The following THRA variants were observed in gnomAD, a reference collection of about 807,000 sequenced individuals.
THRA encodes the protein thyroid hormone receptor alpha, also known as EAR-7.
Under a neutral mutation model 45.0 loss-of-function variants are expected in THRA, and 13 were observed. The observed-to-expected ratio is 0.29, with a 90% confidence interval of 0.19 to 0.46. The LOEUF (loss-of-function observed/expected upper bound fraction) is 0.46. Among genes scored for constraint, THRA ranks in the 20% least tolerant of loss-of-function variants. The pLI is 1.00. For missense variants in THRA, 278 were observed against 556.1 expected (o/e 0.50, Z 5.03); for synonymous variants, 195 against 214.0 (o/e 0.91, Z 0.78).
intron 4 of THRA, 91 bp from the exon 5 acceptor site, chr17:40,083,744 C>T: frequency 6.8e-7 from 1 of 1,478,544 alleles, no homozygotes; most frequent in Non-Finnish European, 9.0e-7. Context: ...CTTCCTTGCT[C>T]TCCACCCCTG....
At chr17:40,078,523 A>G (rs556777555) in intron 4 of THRA, among the ~76,000 whole-genome samples, 1 of 152,316 alleles carries the variant, frequency 6.6e-6, no homozygotes, top group African/African-American at 2.4e-5. Context: ...TGCCATGTGC[A>G]TAAGAAGCAT....
At chr17:40,073,780 G>T (rs1986858748) in intron 1 of THRA, among the ~76,000 whole-genome samples, 1 of 152,072 alleles carries the variant, frequency 6.6e-6, no homozygotes, top group African/African-American at 2.4e-5. Context: ...TACCCTCCCT[G>T]CCTATGCTGA....
intron 6 of THRA, among the ~76,000 whole-genome samples, chr17:40,085,455 T>G (rs533288424): frequency 6.6e-6 from 1 of 151,942 alleles, no homozygotes. Context: ...CGCCTCCGTC[T>G]CCCGAGTAGT....
intron 6 of THRA, among the ~76,000 whole-genome samples, chr17:40,085,673 C>T (rs1198220880): frequency 1.3e-4 from 18 of 139,620 alleles, no homozygotes; most frequent in East Asian, 1.3e-3. Context: ...GTTGGAGTTT[C>T]GCTCTTGTTG....
intron 1 of THRA, among the ~76,000 whole-genome samples, chr17:40,065,987 T>C (rs1051386423): frequency 6.6e-6 from 1 of 152,220 alleles, no homozygotes; most frequent in Non-Finnish European, 1.5e-5. Context: ...TTGGGTCCAC[T>C]GCAGGGCTCA....
intron 4 of THRA, among the ~76,000 whole-genome samples, chr17:40,080,999 G>A (rs1382278429): frequency 1.3e-5 from 2 of 152,050 alleles, no homozygotes; most frequent in Admixed American, 6.5e-5. Context: ...TGGGATTACA[G>A]GCGTGAGCCA....
chr17:40,070,500 T>G (rs998839889), intron 1 of THRA, among the ~76,000 whole-genome samples: 2 of 152,148 alleles, frequency 1.3e-5, no homozygotes, highest in African/African-American at 4.8e-5. Context: ...CCAGGGGCCC[T>G]TGGTGTGGGT....
chr17:40,086,859 T>C lies in THRA; in HGVS notation c.723+6T>C. ...AACTGCCCATGTTCTCCGAGGTGAG[T>C]GGCAGAAGTGGGGAGAGATGTGATG... On this transcript the variant is annotated splice_donor_region_variant and intron_variant, in intron 7 of 8. Transcript: ENST00000450525. 2 of 1,613,842 alleles carry C rather than the reference T, an allele frequency of 1.2e-6. No individual in the cohort carries two copies. Among genetic ancestry groups the C allele is most frequent in the Non-Finnish European group, 1.7e-6 (2 of 1,179,950 alleles).
Position 40,083,883 on chromosome 17 carries a change from T to A in THRA, c.271T>A (p.Cys91Ser). Reference sequence around the variant, plus strand: ...GAAGAACCTCCATCCCACCTATTCCTGCAAATATGACAGCTGCTGTGTCAT... The same window carrying A: ...GAAGAACCTCCATCCCACCTATTCCAGCAAATATGACAGCTGCTGTGTCAT... ...IQKNLHPTYS[C>S]KYDSCCVIDK... Residue 91 changes from cysteine (C) to serine (S), a missense_variant, in exon 5 of 9, where the codon TGC becomes AGC. Around this residue, in one of 6 missense-constraint regions of THRA, gnomAD observed 111 missense variants for 167.1 expected, o/e 0.66. Transcript: ENST00000450525. 1 of 1,613,882 alleles carries A rather than the reference T, an allele frequency of 6.2e-7. No homozygotes were observed. The highest frequency in any genetic ancestry group is 8.5e-7 in the Non-Finnish European group (1 of 1,179,860).
At chr17:40,062,811 A>C, upstream of THRA, 2 of 132,730 alleles carry the variant, frequency 1.5e-5, no homozygotes, top group African/African-American at 5.6e-5. Context: ...GGCGGCGGCG[A>C]GGCGGCCTGC....
chr17:40,067,253 C>T (rs1986607922), intron 1 of THRA, among the ~76,000 whole-genome samples: 1 of 152,208 alleles, frequency 6.6e-6, no homozygotes, highest in Admixed American at 6.5e-5. Flanking sequence ...CTGGGACACA[C>T]CCCACCAGCT....
At chr17:40,064,454 GTCAC>G (rs373815431) in intron 1 of THRA, among the ~76,000 whole-genome samples, 271 of 152,340 alleles carry the variant, frequency 1.8e-3, no homozygotes, top group African/African-American at 5.9e-3. Flanking sequence ...GACAGTCGCT[GTCAC>G]TCAGTCAGAT....
In THRA at chr17:40,089,248, A is replaced by G; in HGVS notation, c.1025A>G (p.Gln342Arg). 1 of 1,614,048 alleles carries G rather than the reference A, an allele frequency of 6.2e-7. No individual in the cohort carries two copies. The highest frequency in any genetic ancestry group is 8.5e-7 in the Non-Finnish European group (1 of 1,180,016). ...TGTGTGGACAAGATCGAGAAGAGTC[A>G]GGAGGCGTACCTGCTGGCGTTCGAG... Reference protein sequence around the residue: ...LLCVDKIEKSQEAYLLAFEHY... With the variant: ...LLCVDKIEKSREAYLLAFEHY... The change falls in exon 9 of 9, where the codon CAG becomes CGG. Residue 342 changes from glutamine (Q) to arginine (R), a missense_variant. Around this residue, in one of 6 missense-constraint regions of THRA, gnomAD observed 66 missense variants for 94.7 expected, o/e 0.70. Coordinates refer to ENST00000450525, the MANE Select transcript of THRA (RefSeq NM_199334.5). The surrounding 1 kb of genome is among the most constrained non-coding windows in gnomAD (Gnocchi z 6.1).
chr17:40,086,593 AC>A, intron 6 of THRA, 113 bp from the exon 7 acceptor site: 1 of 1,357,106 alleles, frequency 7.4e-7, no homozygotes, highest in Non-Finnish European at 9.9e-7. Flanking sequence ...GGACTCAGGC[AC>A]GGGCGGCCCC....
intron 1 of THRA, among the ~76,000 whole-genome samples, chr17:40,063,622 C>A (rs1986446657): frequency 6.6e-6 from 1 of 152,244 alleles, no homozygotes; most frequent in African/African-American, 2.4e-5. Flanking sequence ...CCTCACCCGC[C>A]TCCCGGTTGA....
In THRA at chr17:40,074,411, TG is replaced by T; in HGVS notation, c.-75del. 1.3e-6 allele frequency: 2 copies of T among 1,539,680 alleles called. No homozygotes were observed. Among genetic ancestry groups the T allele is most frequent in the South Asian group, 1.1e-5 (1 of 88,462 alleles). On this transcript the variant is annotated 5_prime_UTR_variant, in exon 2 of 9. Transcript: ENST00000450525. ...TGGGTGGCAGGGGGTGGGTGGCCTGTGGGTGTGCCGGGGGGGCCAGTGTGCC... is the reference window on the plus strand; with the variant it reads ...TGGGTGGCAGGGGGTGGGTGGCCTGTGGTGTGCCGGGGGGGCCAGTGTGCC...
chr17:40,089,159 A>G lies in THRA; in HGVS notation c.983-47A>G. ...CCCACACCTCACCCTCCCCATCTCC[A>G]GGCCTTCGGCCAGCCCCTCGCCCCT... On this transcript the variant is annotated intron_variant, in intron 8 of 8. Coordinates refer to ENST00000450525, the MANE Select transcript of THRA (RefSeq NM_199334.5). The surrounding 1 kb of genome is among the most constrained non-coding windows in gnomAD (Gnocchi z 6.1). The G allele has an allele frequency of 1.3e-6, 2 of 1,584,844 alleles. No homozygotes were observed. Among genetic ancestry groups the G allele is most frequent in the Non-Finnish European group, 1.7e-6 (2 of 1,161,172 alleles).
In THRA at chr17:40,086,887, G is replaced by A. The variant is rs532031757; in HGVS notation, c.723+34G>A. 23 of 1,611,218 alleles carry A rather than the reference G, an allele frequency of 1.4e-5. No homozygotes were observed. In the South Asian group the frequency reaches 2.5e-4, roughly 18 times the overall value. ...CAGAAGTGGGGAGAGATGTGATGCT[G>A]TGCTGGAGGGAAACCTGCTCCCCCG... On this transcript the variant is annotated intron_variant, in intron 7 of 8. Transcript: ENST00000450525.
rs1472797613 is a variant in THRA at position 40,089,864 on chromosome 17, C to G, written c.*408C>G. The G allele has an allele frequency of 2.9e-6, 3 of 1,025,916 alleles. No homozygotes were observed. Among genetic ancestry groups the G allele is most frequent in the Admixed American group, 5.2e-5 (1 of 19,132 alleles). 63.6% of individuals were successfully genotyped at this position (1,025,916 alleles called of 1,614,324 possible). ...CATGAGAGAGAGCCCCCACCCAGTTCCTTGGCCTAGGTCTCCCCTCCAGGC... is the reference window on the plus strand; with the variant it reads ...CATGAGAGAGAGCCCCCACCCAGTTGCTTGGCCTAGGTCTCCCCTCCAGGC... On this transcript the variant is annotated 3_prime_UTR_variant, in exon 9 of 9. Transcript: ENST00000450525. This position sits in a 1 kb window ranked among gnomAD's most constrained non-coding sequence, Gnocchi z 6.1.
Sources: gnomAD v4.1 joint callset for allele counts (sites outside exome capture counted in the v4.1 genomes callset) on GRCh38, gnomAD v4.1.1 for gene constraint, gnomAD v4.1.1 regional missense constraint, Gnocchi (gnomAD v3.1) non-coding constraint, MANE v1.5 for transcripts, NCBI Gene and HGNC (gene_info 2026-07-23, HGNC 2026-07-21) for gene names.